MYO3B: variants seen among roughly 807,000 people sequenced by gnomAD.
MYO3B encodes the protein myosin IIIB.
In MYO3B, 156 loss-of-function variants were observed where a neutral mutation model predicts 174.6. That is an observed-to-expected ratio of 0.89 (90% CI 0.78 to 1.02). MYO3B has a LOEUF of 1.02. Among genes scored for constraint, MYO3B ranks in the 50% least tolerant of loss-of-function variants. MYO3B has a pLI of 0.00. For missense variants in MYO3B, 1,632 were observed against 1,639.4 expected (o/e 1.00, Z 0.08); for synonymous variants, 563 against 569.1 (o/e 0.99, Z 0.15).
In MYO3B at chr2:170,572,607, C is replaced by CAAAA. The variant is rs574487856; in HGVS notation, c.3733+28633_3733+28636dup. ...TCCAGCCTGGGCAATGACCCTATAT[C>CAAAA]AAAAAAAAAAAAAAAAAGGTAAGGA... On this transcript the variant is annotated intron_variant, in intron 32 of 34. Transcript: ENST00000408978. 2.5e-3 allele frequency among the ~76,000 whole-genome samples: 316 copies of CAAAA among 123,970 alleles called. 5 individuals are homozygous for CAAAA. Among genetic ancestry groups the CAAAA allele is most frequent in the Admixed American group, 0.02 (247 of 12,168 alleles). 81.3% of individuals were successfully genotyped at this position (123,970 alleles called of 152,430 possible).
chr2:170,380,694 T>A (rs923835783), intron 9 of MYO3B, among the ~76,000 whole-genome samples: 1 of 152,218 alleles, frequency 6.6e-6, no homozygotes, highest in South Asian at 2.1e-4. Context: ...GATTTTTAAA[T>A]CCTTAGTGAA....
chr2:170,326,446 C>CT lies in MYO3B; in HGVS notation c.750-8937dup, dbSNP rs2093868384. On this transcript the variant is annotated intron_variant, in intron 7 of 34. Transcript: ENST00000408978. ...TTAGCCAGTCCTGGGGCAAGGTCTA[C>CT]TTCCCTGACACACTGGACAATAACA... Among the ~76,000 whole-genome samples the CT allele has an allele frequency of 2.0e-5, 3 of 152,232 alleles. No homozygotes were observed. The South Asian group carries it at 6.2e-4, about 31-fold the overall frequency.
At chr2:170,338,813 G>A (rs1240992168) in intron 8 of MYO3B, among the ~76,000 whole-genome samples, 1 of 152,116 alleles carries the variant, frequency 6.6e-6, no homozygotes, top group African/African-American at 2.4e-5. Flanking sequence ...ATGTTGGCCA[G>A]GTTAGTCTCG....
intron 7 of MYO3B, among the ~76,000 whole-genome samples, chr2:170,298,797 C>T (rs966633376): frequency 6.6e-6 from 1 of 151,722 alleles, no homozygotes; most frequent in Non-Finnish European, 1.5e-5. Flanking sequence ...TGTAATCATA[C>T]ACCATATAAT....
At chr2:170,558,247 G>A (rs1691467783) in intron 32 of MYO3B, among the ~76,000 whole-genome samples, 1 of 151,778 alleles carries the variant, frequency 6.6e-6, no homozygotes, top group African/African-American at 2.4e-5. Flanking sequence ...CTTGCGGTGA[G>A]CTGAGATCGT....
intron 7 of MYO3B, among the ~76,000 whole-genome samples, chr2:170,326,629 C>T (rs538714665): frequency 1.4e-3 from 210 of 152,346 alleles, no homozygotes; most frequent in African/African-American, 4.9e-3. Context: ...TTGACTTTCT[C>T]CTGCACTCTT....
chr2:170,441,909 C>T (rs1237313206), intron 22 of MYO3B, among the ~76,000 whole-genome samples: 2 of 152,098 alleles, frequency 1.3e-5, no homozygotes, highest in African/African-American at 4.8e-5. Context: ...GTATTTTGTG[C>T]CAACCTCTTA....
chr2:170,487,595 T>G (rs1489232075), intron 25 of MYO3B, among the ~76,000 whole-genome samples: 1 of 152,196 alleles, frequency 6.6e-6, no homozygotes, highest in East Asian at 1.9e-4. Flanking sequence ...TTTAAAGTCT[T>G]TATAAATAAA....
chr2:170,207,022 G>A (rs961549618), intron 3 of MYO3B, among the ~76,000 whole-genome samples: 1 of 152,114 alleles, frequency 6.6e-6, no homozygotes, highest in Non-Finnish European at 1.5e-5. Flanking sequence ...AACTGTTATT[G>A]TAATCTCAAG....
At chr2:170,296,097 C>G (rs2093627185) in intron 7 of MYO3B, among the ~76,000 whole-genome samples, 1 of 152,196 alleles carries the variant, frequency 6.6e-6, no homozygotes, top group Admixed American at 6.5e-5. Flanking sequence ...AGTTTAAGAA[C>G]ACTTGTAATA....
intron 25 of MYO3B, among the ~76,000 whole-genome samples, chr2:170,468,820 A>G (rs1295348044): frequency 6.6e-6 from 1 of 152,186 alleles, no homozygotes; most frequent in Non-Finnish European, 1.5e-5. Context: ...GAGGGCAAAC[A>G]CATAACTGCA....
intron 3 of MYO3B, among the ~76,000 whole-genome samples, chr2:170,205,249 A>C (rs770333456): frequency 7.2e-5 from 11 of 152,198 alleles, no homozygotes; most frequent in Non-Finnish European, 1.5e-4. Flanking sequence ...AATAAAGTTT[A>C]TAAGTTGGCT....
intron 7 of MYO3B, among the ~76,000 whole-genome samples, chr2:170,309,140 T>A (rs532906256): frequency 6.6e-6 from 1 of 152,276 alleles, no homozygotes; most frequent in East Asian, 1.9e-4. Context: ...CCCCATAAAA[T>A]GCCACAAAGT....
intron 32 of MYO3B, among the ~76,000 whole-genome samples, chr2:170,561,122 C>G (rs1201201304): frequency 6.6e-6 from 1 of 152,150 alleles, no homozygotes; most frequent in Non-Finnish European, 1.5e-5. Flanking sequence ...ATATTCAGTC[C>G]ATTAATGGAA....
intron 8 of MYO3B, among the ~76,000 whole-genome samples, chr2:170,335,874 C>G (rs141348083): frequency 7.2e-5 from 11 of 152,190 alleles, no homozygotes; most frequent in Admixed American, 2.0e-4. Flanking sequence ...GAACAAGGGT[C>G]CAGTTTCCAA....
At position 170,417,379 on chromosome 2, in the gene MYO3B, C is replaced by G. The variant is rs74821362; in HGVS notation, c.2650+9535C>G. Among the ~76,000 whole-genome samples the G allele has an allele frequency of 2.6e-5, 4 of 152,268 alleles. No individual in the cohort carries two copies. The East Asian group carries it at 7.7e-4, about 29-fold the overall frequency. ...TGTATATCCTTGACCCAGAGCAGTG[C>G]CCAGTGCATAGAAAGTATTCAATAA... is the stretch of plus-strand genomic sequence containing the variant. On this transcript the variant is annotated intron_variant, in intron 22 of 34. Transcript: ENST00000408978.
At chr2:170,233,740 CA>C (rs1443814530) in intron 6 of MYO3B, among the ~76,000 whole-genome samples, 1 of 152,188 alleles carries the variant, frequency 6.6e-6, no homozygotes, top group Non-Finnish European at 1.5e-5. Context: ...AGAACAAGAG[CA>C]CAGAGTTTAG....
At chr2:170,572,599 C>A (rs1692510908) in intron 32 of MYO3B, among the ~76,000 whole-genome samples, 1 of 138,152 alleles carries the variant, frequency 7.2e-6, no homozygotes, top group Admixed American at 7.4e-5. Flanking sequence ...TGGGCAATGA[C>A]CCTATATCAA....
At chr2:170,614,280 G>C (rs1032736108) in intron 32 of MYO3B, among the ~76,000 whole-genome samples, 1 of 152,118 alleles carries the variant, frequency 6.6e-6, no homozygotes, top group South Asian at 2.1e-4. Context: ...TATTAAGTGA[G>C]ATAATTTATA....
Sources: allele counts gnomAD v4.1 joint callset (sites outside exome capture counted in the v4.1 genomes callset), GRCh38; gene constraint gnomAD v4.1.1; transcripts MANE v1.5; gene names NCBI Gene and HGNC (gene_info 2026-07-23, HGNC 2026-07-21).